CPA6: variants seen among roughly 807,000 people sequenced by gnomAD.
CPA6 encodes carboxypeptidase B.
In CPA6, 58 loss-of-function variants were observed where a neutral mutation model predicts 63.3. The ratio of observed to expected loss-of-function variants is 0.92; its 90% CI spans 0.74 to 1.14. CPA6 has a LOEUF of 1.14. Ranked by LOEUF, CPA6 falls within the 50% of genes most tolerant of loss-of-function variation. The pLI is 0.00. For synonymous variants in CPA6, 185 were observed against 179.0 expected, an observed-to-expected ratio of 1.03 and a Z score of -0.27; for missense variants, 565 against 526.6, an observed-to-expected ratio of 1.07 and a Z score of -0.71.
chr8:67,607,169 C>CTCTTCTTCTTCTTCTTCTTCTTCTTCT (rs1211819002), intron 2 of CPA6, among the ~76,000 whole-genome samples: 9 of 28,400 alleles, frequency 3.2e-4, no homozygotes, highest in East Asian at 1.4e-3. Context: ...CTTCTTCTTC[C>CTCTTCTTCTTCTTCTTCTTCTTCTTCT]TCTTCTTCTT....
At chr8:67,672,618 G>T (rs1000492724) in intron 1 of CPA6, among the ~76,000 whole-genome samples, 3 of 152,164 alleles carry the variant, frequency 2.0e-5, no homozygotes, top group African/African-American at 7.2e-5. Flanking sequence ...TTCTCATAGA[G>T]CTCGGGCCCA....
chr8:67,674,732 C>T (rs903338562), intron 1 of CPA6, among the ~76,000 whole-genome samples: 13 of 151,992 alleles, frequency 8.6e-5, no homozygotes, highest in Non-Finnish European at 1.5e-4. Context: ...ATATGTTTGT[C>T]GCAATGCAAT....
At chr8:67,580,899 G>A (rs938631452) in intron 2 of CPA6, among the ~76,000 whole-genome samples, 12 of 152,052 alleles carry the variant, frequency 7.9e-5, no homozygotes, top group Admixed American at 5.2e-4. Flanking sequence ...ATGTGTTGGC[G>A]GTCTTAGTTT....
intron 8 of CPA6, among the ~76,000 whole-genome samples, chr8:67,453,261 T>C (rs921312831): frequency 1.3e-5 from 2 of 152,046 alleles, no homozygotes; most frequent in African/African-American, 4.8e-5. Context: ...GAGCGATTCT[T>C]AAGGTAAAAT....
intron 2 of CPA6, among the ~76,000 whole-genome samples, chr8:67,590,929 C>T (rs1211703855): frequency 2.0e-5 from 3 of 152,276 alleles, no homozygotes; most frequent in East Asian, 3.9e-4. Flanking sequence ...GTTGCCATTG[C>T]TTTTGGTGTT....
At chr8:67,509,667 AG>A (rs1453346252) in intron 4 of CPA6, 49 bp from the exon 5 acceptor site, 1 of 899,384 alleles carries the variant, frequency 1.1e-6, no homozygotes, top group East Asian at 2.6e-5. Context: ...AAAATAATGG[AG>A]CTTTTAGAGA....
chr8:67,645,286 A>G (rs1815690237), intron 1 of CPA6, among the ~76,000 whole-genome samples: 1 of 152,228 alleles, frequency 6.6e-6, no homozygotes, highest in South Asian at 2.1e-4. Flanking sequence ...TTGATAATTT[A>G]TATCTAACAA....
intron 1 of CPA6, among the ~76,000 whole-genome samples, chr8:67,625,172 T>C (rs1222992655): frequency 6.6e-6 from 1 of 152,152 alleles, no homozygotes; most frequent in African/African-American, 2.4e-5. Context: ...TTTCAGTTCT[T>C]TGATACTTTT....
At chr8:67,705,375 T>C (rs1817112294) in intron 1 of CPA6, among the ~76,000 whole-genome samples, 1 of 152,192 alleles carries the variant, frequency 6.6e-6, no homozygotes, top group Admixed American at 6.5e-5. Context: ...AGTAAAATTA[T>C]AAATTTCCCT....
intron 6 of CPA6, among the ~76,000 whole-genome samples, chr8:67,488,062 T>A (rs1212260033): frequency 6.6e-6 from 1 of 152,232 alleles, no homozygotes; most frequent in Non-Finnish European, 1.5e-5. Context: ...TTTAATTAGA[T>A]CCCATTTGTC....
intron 2 of CPA6, among the ~76,000 whole-genome samples, chr8:67,583,171 G>A (rs891015153): frequency 3.9e-5 from 6 of 152,208 alleles, no homozygotes; most frequent in Non-Finnish European, 8.8e-5. Context: ...GGGCTGGGTA[G>A]TTGCGTGAAG....
intron 1 of CPA6, among the ~76,000 whole-genome samples, chr8:67,720,351 A>G (rs1009345304): frequency 6.6e-6 from 1 of 152,220 alleles, no homozygotes; most frequent in Non-Finnish European, 1.5e-5. Flanking sequence ...ACTTCAGGCC[A>G]TCTGGGCGGA....
intron 2 of CPA6, among the ~76,000 whole-genome samples, chr8:67,560,205 G>A (rs1178282160): frequency 1.4e-5 from 2 of 138,312 alleles, no homozygotes; most frequent in Non-Finnish European, 3.2e-5. Context: ...GCAGGGCTAT[G>A]GTTGCAAACC....
intron 2 of CPA6, among the ~76,000 whole-genome samples, chr8:67,603,151 A>G (rs1814540217): frequency 6.6e-6 from 1 of 152,084 alleles, no homozygotes; most frequent in African/African-American, 2.4e-5. Flanking sequence ...TCCAAAGGTC[A>G]TTTTGTTTTT....
In CPA6 at chr8:67,529,757, C is replaced by T. The variant is rs76819157; in HGVS notation, c.193-11710G>A. On this transcript the variant is annotated intron_variant, in intron 2 of 10. Coordinates refer to ENST00000297770, the MANE Select transcript of CPA6 (RefSeq NM_020361.5). ...GGAAATTGGAGAAAATACCTCCCCT[C>T]AAAGAAGAAAAATAACTCAATAGTG... Among the ~76,000 whole-genome samples, 1,445 of 152,108 alleles carry T rather than the reference C, an allele frequency of 9.5e-3. 22 individuals are homozygous for T. The highest frequency in any genetic ancestry group is 0.033 in the African/African-American group (1,363 of 41,480).
At chr8:67,654,648 T>C (rs1815940105) in intron 1 of CPA6, among the ~76,000 whole-genome samples, 1 of 152,130 alleles carries the variant, frequency 6.6e-6, no homozygotes, top group Non-Finnish European at 1.5e-5. Context: ...TTTCCTTTTA[T>C]AACATAACAT....
chr8:67,609,385 T>C (rs913789321), intron 2 of CPA6, among the ~76,000 whole-genome samples: 3 of 152,220 alleles, frequency 2.0e-5, no homozygotes, highest in Non-Finnish European at 4.4e-5. Context: ...CTCATGTTTC[T>C]TATATTCCTG....
chr8:67,714,647 C>A (rs373090774), intron 1 of CPA6, among the ~76,000 whole-genome samples: 12 of 152,214 alleles, frequency 7.9e-5, no homozygotes, highest in African/African-American at 2.6e-4. Flanking sequence ...TGCACTCCAG[C>A]CTGGGCGACA....
chr8:67,439,598 A>AAG, intron 8 of CPA6, among the ~76,000 whole-genome samples: 1 of 151,796 alleles, frequency 6.6e-6, no homozygotes, highest in East Asian at 1.9e-4. Flanking sequence ...TCAAAAAAAA[A>AAG]AAAGAAAGAA....
Sources: gnomAD v4.1 joint callset for allele counts (sites outside exome capture counted in the v4.1 genomes callset) on GRCh38, gnomAD v4.1.1 for gene constraint, MANE v1.5 for transcripts, NCBI Gene and HGNC (gene_info 2026-07-23, HGNC 2026-07-21) for gene names.